The following WNT5B variants were observed in gnomAD, a reference collection of about 807,000 sequenced individuals.
WNT5B encodes protein Wnt-5b.
WNT5B carries 18 observed loss-of-function variants against 36.5 expected under a neutral mutation model. The observed-to-expected ratio is 0.49, with a 90% CI of 0.34 to 0.73. The LOEUF (loss-of-function observed/expected upper bound fraction) is 0.73, where lower values mean the gene tolerates loss of function less well. Ranked by LOEUF, WNT5B falls within the 30% of genes least tolerant of loss-of-function variation. WNT5B has a pLI of 0.01. For synonymous variants in WNT5B, 213 were observed against 212.3 expected (o/e 1.00, Z -0.03); for missense variants, 424 against 508.4 (o/e 0.83, Z 1.60).
upstream of WNT5B, among the ~76,000 whole-genome samples, chr12:1,626,847 G>C (rs534090676): frequency 5.3e-5 from 8 of 152,168 alleles, no homozygotes; most frequent in Non-Finnish European, 1.5e-5. Context: ...TTACAGTTGT[G>C]AGCCACTGCG....
chr12:1,622,198 CTT>C (rs2094534851), intron 1 of WNT5B, among the ~76,000 whole-genome samples: 3 of 149,608 alleles, frequency 2.0e-5, no homozygotes, highest in African/African-American at 7.4e-5. Flanking sequence ...GCAAGCTCCG[CTT>C]CCCGGGTTCA....
rs991614707 is a variant in WNT5B at position 1,644,236 on chromosome 12, G to C, written c.622-1558G>C. On this transcript the variant is annotated intron_variant, in intron 4 of 4. Coordinates refer to ENST00000397196, the MANE Select transcript of WNT5B (RefSeq NM_032642.3). This position sits in a 1 kb window ranked among gnomAD's most constrained non-coding sequence, Gnocchi z 5.1. ...CATCTTTGAAGTGTCTGTCAGGATG[G>C]GGTGTCAGTTCCTTTATGTCTTGGA... is the stretch of plus-strand genomic sequence containing the variant. Among the ~76,000 whole-genome samples, 4 of 152,156 alleles carry C rather than the reference G, an allele frequency of 2.6e-5. No homozygotes were observed. The highest frequency in any genetic ancestry group is 2.6e-4 in the Admixed American group (4 of 15,266).
chr12:1,622,108 T>C (rs926725369), intron 1 of WNT5B, among the ~76,000 whole-genome samples: 10 of 21,062 alleles, frequency 4.7e-4, no homozygotes, highest in African/African-American at 1.9e-3. Context: ...CTGACACTTC[T>C]TTTTTTTTTT....
rs1044479886 is a variant in WNT5B at position 1,630,542 on chromosome 12, C to G, written c.-57-756C>G. 6.6e-5 allele frequency among the ~76,000 whole-genome samples: 10 copies of G among 152,180 alleles called. No individual in the cohort carries two copies. The highest frequency in any genetic ancestry group is 5.9e-4 in the Admixed American group (9 of 15,282). On this transcript the variant is annotated intron_variant, in intron 1 of 4. Transcript: ENST00000397196. This position sits in a 1 kb window ranked among gnomAD's most constrained non-coding sequence, Gnocchi z 5.3. ...CTGCCGCCTGGCGTCGGCAGTGTCCCCGGTGCAGCTGCTGGGCAAGGTACT... is the reference window on the plus strand; with the variant it reads ...CTGCCGCCTGGCGTCGGCAGTGTCCGCGGTGCAGCTGCTGGGCAAGGTACT...
chr12:1,637,565 G>A (rs10848540), intron 3 of WNT5B, among the ~76,000 whole-genome samples: 10,173 of 136,168 alleles, frequency 0.075, 602 homozygotes, highest in East Asian at 0.27. Context: ...GTGAAACCTC[G>A]TCTCTACTAA....
rs558012195 is a variant in WNT5B, at chr12:1,631,198, C to T, written c.-57-100C>T. ...GAGCTTCTTTGTGGGGAACACGCAGCACGTAAGCATCAGTGCAACTTTCTC... is the reference window on the plus strand; with the variant it reads ...GAGCTTCTTTGTGGGGAACACGCAGTACGTAAGCATCAGTGCAACTTTCTC... On this transcript the variant is annotated intron_variant, in intron 1 of 4. Transcript: ENST00000397196. The T allele has an allele frequency of 4.7e-6, 5 of 1,074,770 alleles. No homozygotes were observed. The South Asian group carries it at 8.7e-5, about 19-fold the overall frequency. The allele number at this position is 1,074,770 out of a possible 1,614,324, so 66.6% of individuals were successfully genotyped here. A position where few individuals can be genotyped will look rare whatever the true frequency, so the allele number is the denominator to read the frequency against.
chr12:1,631,207 A>G (rs1029717104), intron 1 of WNT5B, 91 bp from the exon 2 acceptor site: 1 of 1,174,792 alleles, frequency 8.5e-7, no homozygotes. Flanking sequence ...GCACGTAAGC[A>G]TCAGTGCAAC....
At chr12:1,626,356 C>T (rs1346781507), upstream of WNT5B, among the ~76,000 whole-genome samples, 9 of 151,494 alleles carry the variant, frequency 5.9e-5, no homozygotes, top group Non-Finnish European at 1.0e-4. Context: ...CTCCACCTCC[C>T]GAGTTCAAGC....
upstream of WNT5B, among the ~76,000 whole-genome samples, chr12:1,626,808 G>T (rs1224366047): frequency 6.7e-6 from 1 of 150,174 alleles, no homozygotes; most frequent in Non-Finnish European, 1.5e-5. Flanking sequence ...CTCATGATCT[G>T]CCCGCCTCGG....
In WNT5B at chr12:1,633,214, T is replaced by C. The variant is rs890230128; in HGVS notation, c.328+309T>C. Among the ~76,000 whole-genome samples the C allele has an allele frequency of 9.2e-5, 14 of 151,912 alleles. No individual in the cohort carries two copies. Among genetic ancestry groups the C allele is most frequent in the African/African-American group, 3.1e-4 (13 of 41,362 alleles). On this transcript the variant is annotated intron_variant, in intron 3 of 4. Coordinates refer to ENST00000397196, the MANE Select transcript of WNT5B (RefSeq NM_032642.3). This position sits in a 1 kb window ranked among gnomAD's most constrained non-coding sequence, Gnocchi z 4.8. ...ACTGAGAGGGGGCAGGACATCTGAG[T>C]TGACTTAGAGTGGATTAGGAGAGCC...
intron 3 of WNT5B, 33 bp from the exon 4 acceptor site, chr12:1,639,651 G>T: frequency 6.8e-7 from 1 of 1,469,752 alleles, no homozygotes; most frequent in Non-Finnish European, 8.9e-7. Flanking sequence ...AGAGGAGAGC[G>T]CACCCGCTTA....
At chr12:1,621,378 T>C (rs2094533610) in intron 1 of WNT5B, among the ~76,000 whole-genome samples, 1 of 152,116 alleles carries the variant, frequency 6.6e-6, no homozygotes, top group African/African-American at 2.4e-5. Flanking sequence ...GAAGATTCAC[T>C]CAACCCACAT....
At chr12:1,645,757 G>C (rs2154439935) in intron 4 of WNT5B, 37 bp from the exon 5 acceptor site, 1 of 1,536,796 alleles carries the variant, frequency 6.5e-7, no homozygotes, top group Non-Finnish European at 8.8e-7. Context: ...CTTCCACCGG[G>C]ATCCTCCTTC....
In WNT5B at chr12:1,618,906, G is replaced by A. The variant is rs988836003; in HGVS notation, c.-58+1763G>A. On this transcript the variant is annotated intron_variant, in intron 1 of 4. Coordinates refer to the WNT5B transcript ENST00000310594. This position sits in a 1 kb window ranked among gnomAD's most constrained non-coding sequence, Gnocchi z 4.1. ...GGAAGCTCTATTCTCTGGAACATCA[G>A]GCATTAGATTTTAGTGTGAAGGCCT... 8.5e-5 allele frequency among the ~76,000 whole-genome samples: 13 copies of A among 152,158 alleles called. No homozygotes were observed. Among genetic ancestry groups the A allele is most frequent in the Non-Finnish European group, 1.8e-4 (12 of 68,032 alleles).
chr12:1,620,541 G>T (rs192536400), intron 1 of WNT5B, among the ~76,000 whole-genome samples: 286 of 150,014 alleles, frequency 1.9e-3, no homozygotes, highest in South Asian at 7.1e-3. Flanking sequence ...TTCTTTTGTT[G>T]TTGTTTTTTT....
At chr12:1,631,220 T>C in intron 1 of WNT5B, 78 bp from the exon 2 acceptor site, 1 of 1,379,494 alleles carries the variant, frequency 7.2e-7, no homozygotes, top group Non-Finnish European at 9.8e-7. Context: ...AGTGCAACTT[T>C]CTCCGCCTCA....
intron 4 of WNT5B, among the ~76,000 whole-genome samples, chr12:1,643,870 T>C (rs1398052972): frequency 6.6e-6 from 1 of 151,872 alleles, no homozygotes; most frequent in African/African-American, 2.4e-5. Context: ...GATATTCCTA[T>C]CTCTACAATG....
chr12:1,634,280 A>C (rs1395832661), intron 3 of WNT5B, among the ~76,000 whole-genome samples: 2 of 152,190 alleles, frequency 1.3e-5, no homozygotes, highest in African/African-American at 4.8e-5. Flanking sequence ...TTCTGGCGAA[A>C]ATCTTGGCAG....
chr12:1,636,483 A>C (rs1005345917), intron 3 of WNT5B, among the ~76,000 whole-genome samples: 1 of 132,808 alleles, frequency 7.5e-6, no homozygotes, highest in Non-Finnish European at 1.6e-5. Context: ...TTAAAGGTTC[A>C]TCTGTGTTGC....
Sources: gnomAD v4.1 joint callset for allele counts (sites outside exome capture counted in the v4.1 genomes callset) on GRCh38, gnomAD v4.1.1 for gene constraint, Gnocchi (gnomAD v3.1) non-coding constraint, MANE v1.5 for transcripts, NCBI Gene and HGNC (gene_info 2026-07-23, HGNC 2026-07-21) for gene names.